KASH5: variants seen among roughly 807,000 people sequenced by gnomAD.
KASH5 encodes the protein KASH domain containing 5.
KASH5 carries 72 observed loss-of-function variants against 84.2 expected under a neutral mutation model. The observed-to-expected ratio is 0.85, with a 90% CI of 0.71 to 1.04. The LOEUF is 1.04. KASH5 is among the 50% of genes least tolerant of loss of function. The pLI is 0.00. For synonymous variants in KASH5, 260 were observed against 279.1 expected, an observed-to-expected ratio of 0.93 and a Z score of 0.68; for missense variants, 650 against 701.0, an observed-to-expected ratio of 0.93 and a Z score of 0.82.
Position 49,395,649 on chromosome 19 carries a change from TGTGGTG to T in KASH5, c.336-119_336-114del. On this transcript the variant is annotated intron_variant, in intron 4 of 19. Coordinates refer to ENST00000447857, the MANE Select transcript of KASH5 (RefSeq NM_144688.5). The surrounding 1 kb of genome is among the most constrained non-coding windows in gnomAD (Gnocchi z 4.4). ...GCCATCTGGCCTCACCCTCCTACCC[TGTGGTG>T]CCAGCTCTCACCTGACCCGGTCCCC... 1 of 975,840 alleles carries T rather than the reference TGTGGTG, an allele frequency of 1.0e-6. No homozygotes were observed. The highest frequency in any genetic ancestry group is 1.6e-6 in the Non-Finnish European group (1 of 642,002). 60.4% of individuals were successfully genotyped at this position (975,840 alleles called of 1,614,324 possible).
At chr19:49,392,340 AAGAT>A (rs1014876340) in intron 2 of KASH5, among the ~76,000 whole-genome samples, 6 of 112,710 alleles carry the variant, frequency 5.3e-5, no homozygotes, top group African/African-American at 6.3e-5. Flanking sequence ...GACTGGGAGA[AAGAT>A]AGAGAGAAAG....
chr19:49,407,569 TG>T (rs1298781207), intron 11 of KASH5, 42 bp from the exon 12 acceptor site: 1 of 1,552,298 alleles, frequency 6.4e-7, no homozygotes, highest in African/African-American at 1.4e-5. Flanking sequence ...CCAGTGTCTT[TG>T]GGGAACTGGT....
chr19:49,408,974 G>A lies in KASH5; in HGVS notation c.1001G>A (p.Arg334Lys), dbSNP rs1313722459. 6.3e-7 allele frequency: 1 copy of A among 1,585,016 alleles called. No individual in the cohort carries two copies. The highest frequency in any genetic ancestry group is 1.8e-5 in the Admixed American group (1 of 55,188). ...CCACTTCCTCCTTTGCAGGAACTGA[G>A]GCTGGAGATTTCACGCCTGGAGGAG... The part of the protein sequence containing the change: ...EEYRVTTQEL[R>K]LEISRLEEQL... The change falls in exon 13 of 20, where the codon AGG becomes AAG. Residue 334 changes from arginine to lysine, a missense_variant. Transcript: ENST00000447857.
rs149189458 is a variant in KASH5, at chr19:49,417,601, C to T, written c.*91C>T. 296 of 1,417,446 alleles carry T rather than the reference C, an allele frequency of 2.1e-4. 4 individuals carry two copies. In the East Asian group the frequency reaches 6.7e-3, roughly 32 times the overall value. The allele number at this position is 1,417,446 out of a possible 1,614,324, so 87.8% of individuals were successfully genotyped here. A position where few individuals can be genotyped will look rare whatever the true frequency, so the allele number is the denominator to read the frequency against. The stretch of plus-strand genomic sequence containing the variant: ...GATCCCCATTGTTAGTCCACTGTTG[C>T]GCAGGCTTACCCTAGATAGAGTACA... On this transcript the variant is annotated 3_prime_UTR_variant, in exon 20 of 20. Coordinates refer to ENST00000447857, the MANE Select transcript of KASH5 (RefSeq NM_144688.5). The surrounding 1 kb of genome is among the most constrained non-coding windows in gnomAD (Gnocchi z 5.2).
intron 9 of KASH5, among the ~76,000 whole-genome samples, chr19:49,403,767 AG>A (rs1744214699): frequency 6.6e-6 from 1 of 152,230 alleles, no homozygotes; most frequent in South Asian, 2.1e-4. Context: ...CCTCCCCACC[AG>A]GAAGGCCTGC....
Position 49,414,892 on chromosome 19 carries a change from TA to T in KASH5, c.1329-58del. 1 of 1,581,438 alleles carries T rather than the reference TA, an allele frequency of 6.3e-7. No individual in the cohort carries two copies. The highest frequency in any genetic ancestry group is 1.2e-5 in the South Asian group (1 of 86,386). On this transcript the variant is annotated intron_variant, in intron 16 of 19. Coordinates refer to ENST00000447857, the MANE Select transcript of KASH5 (RefSeq NM_144688.5). The surrounding 1 kb of genome is among the most constrained non-coding windows in gnomAD (Gnocchi z 4.5). ...CCAAGGCTTCTCTCCCAGCCCATAG[TA>T]GGCAAAGGGAACCAGGGAGAAGAGG...
At chr19:49,411,975 A>AAG (rs1568623163) in intron 15 of KASH5, among the ~76,000 whole-genome samples, 7 of 114,932 alleles carry the variant, frequency 6.1e-5, no homozygotes, top group Non-Finnish European at 1.2e-4. Flanking sequence ...AAGGAAGGAA[A>AAG]GAAGGAAGCC....
At chr19:49,408,302 GTCT>G (rs1438356357) in intron 12 of KASH5, 10 of 157,800 alleles carry the variant, frequency 6.3e-5, no homozygotes, top group African/African-American at 2.2e-4. Context: ...CCCTAGGCAA[GTCT>G]TCTCTGTTTG....
At chr19:49,415,411 C>A in intron 17 of KASH5, 1 of 312,662 alleles carries the variant, frequency 3.2e-6, no homozygotes, top group Non-Finnish European at 6.2e-6. Flanking sequence ...CCTGCAGCCA[C>A]ACAGGCCAGT....
chr19:49,408,905 A>T (rs972897778), intron 12 of KASH5, 62 bp from the exon 13 acceptor site: 2 of 1,517,370 alleles, frequency 1.3e-6, no homozygotes, highest in Non-Finnish European at 1.8e-6. Context: ...AGGAGCCCAG[A>T]GGTGGATGGG....
rs972607690 is a variant in KASH5 at position 49,414,541 on chromosome 19, T to G, written c.1329-410T>G. Among the ~76,000 whole-genome samples the G allele has an allele frequency of 1.3e-5, 2 of 152,108 alleles. No individual in the cohort carries two copies. Among genetic ancestry groups the G allele is most frequent in the African/African-American group, 4.8e-5 (2 of 41,408 alleles). ...AGAGCCAGAAGCCTCAGTTCCCAGC[T>G]GGGGGATCTGCTGGGGAAGTAGTGG... On this transcript the variant is annotated intron_variant, in intron 16 of 19. Transcript: ENST00000447857. This position sits in a 1 kb window ranked among gnomAD's most constrained non-coding sequence, Gnocchi z 4.5.
chr19:49,415,315 A>C, intron 17 of KASH5: 2 of 422,200 alleles, frequency 4.7e-6, no homozygotes, highest in Non-Finnish European at 8.8e-6. Context: ...GCACACGCAC[A>C]TGCGCCCACA....
In KASH5 at chr19:49,414,043, G is replaced by A. The variant is rs755841115; in HGVS notation, c.1329-908G>A. Among the ~76,000 whole-genome samples, 3 of 152,060 alleles carry A rather than the reference G, an allele frequency of 2.0e-5. No homozygotes were observed. The highest frequency in any genetic ancestry group is 4.4e-5 in the Non-Finnish European group (3 of 68,004). Reference sequence around the variant, plus strand: ...GTGGTATGGATGGCTGGGTCTCTAAGGGGCATTCAGGCTGGGCAGCTTGAG... The same window carrying A: ...GTGGTATGGATGGCTGGGTCTCTAAAGGGCATTCAGGCTGGGCAGCTTGAG... On this transcript the variant is annotated intron_variant, in intron 16 of 19. Coordinates refer to ENST00000447857, the MANE Select transcript of KASH5 (RefSeq NM_144688.5). The surrounding 1 kb of genome is among the most constrained non-coding windows in gnomAD (Gnocchi z 4.5).
chr19:49,408,408 G>T (rs55700331), intron 12 of KASH5: 31,391 of 153,444 alleles, frequency 0.2, 3,467 homozygotes, highest in Non-Finnish European at 0.23. Context: ...ATGCATCTCT[G>T]CCTCTGCCTT....
At chr19:49,408,540 C>T (rs1388277541) in intron 12 of KASH5, among the ~76,000 whole-genome samples, 1 of 152,014 alleles carries the variant, frequency 6.6e-6, no homozygotes, top group Non-Finnish European at 1.5e-5. Context: ...CCTCCACCTC[C>T]TGGGTTCAAG....
chr19:49,415,926 G>T (rs539514710), intron 17 of KASH5, among the ~76,000 whole-genome samples: 81 of 152,296 alleles, frequency 5.3e-4, no homozygotes, highest in African/African-American at 1.8e-3. Flanking sequence ...AAAAAGGTAT[G>T]GGGGTAGGAA....
intron 1 of KASH5, 37 bp from the exon 2 acceptor site, chr19:49,390,752 C>A: frequency 9.7e-7 from 1 of 1,029,714 alleles, no homozygotes; most frequent in Non-Finnish European, 1.3e-6. Flanking sequence ...CCCTTGGTGG[C>A]TGCTCTGAGG....
rs561696582 is a variant in KASH5 at position 49,414,907 on chromosome 19, A to G, written c.1329-44A>G. 1.3e-5 allele frequency: 21 copies of G among 1,598,394 alleles called. No individual in the cohort carries two copies. The highest frequency in any genetic ancestry group is 3.3e-4 in the Middle Eastern group (2 of 6,038). ...CAGCCCATAGTAGGCAAAGGGAACC[A>G]GGGAGAAGAGGACGAAGCCAGCAGT... On this transcript the variant is annotated intron_variant, in intron 16 of 19. Transcript: ENST00000447857. This position sits in a 1 kb window ranked among gnomAD's most constrained non-coding sequence, Gnocchi z 4.5.
At chr19:49,411,928 GA>G (rs1974726014) in intron 15 of KASH5, among the ~76,000 whole-genome samples, 1 of 91,624 alleles carries the variant, frequency 1.1e-5, no homozygotes, top group Admixed American at 1.0e-4. Context: ...GGGAAGGAAG[GA>G]AGGAAGGAAG....
Sources: allele counts gnomAD v4.1 joint callset (sites outside exome capture counted in the v4.1 genomes callset), GRCh38; gene constraint gnomAD v4.1.1; non-coding constraint Gnocchi (gnomAD v3.1); transcripts MANE v1.5; gene names NCBI Gene and HGNC (gene_info 2026-07-23, HGNC 2026-07-21).